Variants in RPIA observed in about 807,000 individuals in gnomAD.
RPIA encodes ribose 5-phosphate isomerase A.
RPIA carries 29 observed loss-of-function variants against 37.8 expected under a neutral mutation model. The observed-to-expected ratio is 0.77, with a 90% CI of 0.57 to 1.05. The LOEUF (loss-of-function observed/expected upper bound fraction) is 1.05, where lower values mean the gene tolerates loss of function less well. Ranked by LOEUF, RPIA falls within the 50% of genes least tolerant of loss-of-function variation. RPIA has a pLI of 0.00. For synonymous variants in RPIA, 167 were observed against 157.0 expected (o/e 1.06, Z -0.48); for missense variants, 385 against 413.6 (o/e 0.93, Z 0.60).
chr2:88,713,911 AT>A (rs776459648), intron 3 of RPIA, among the ~76,000 whole-genome samples: 149 of 124,330 alleles, frequency 1.2e-3, no homozygotes, highest in East Asian at 6.2e-3. Context: ...TTTATGGTTA[AT>A]TTTTTTTTTT....
At chr2:88,721,563 ACACACACACCCCCCCCCCCACATG>A (rs1178538251) in intron 3 of RPIA, among the ~76,000 whole-genome samples, 39 of 62,356 alleles carry the variant, frequency 6.3e-4, no homozygotes, top group Admixed American at 9.0e-4. Context: ...ACACACACAC[ACACACACACCCCCCCCCCCACATG>A]CACACATGTT....
In RPIA at chr2:88,735,702, C is replaced by T. The variant is rs756801587; in HGVS notation, c.561C>T (p.Gly187=). 42 of 1,613,954 alleles carry T rather than the reference C, an allele frequency of 2.6e-5. No individual in the cohort carries two copies. The highest frequency in any genetic ancestry group is 1.3e-4 in the Admixed American group (8 of 60,002). ...TGACCCAGGAGAAGATTGTGGCTGGCTATGCTAGTCGCTTCATCGTGATCG... is the reference window on the plus strand; with the variant it reads ...TGACCCAGGAGAAGATTGTGGCTGGTTATGCTAGTCGCTTCATCGTGATCG... The part of the protein sequence containing the change: ...GCLTQEKIVA[G]YASRFIVIAD... The change falls in exon 6 of 9, where the codon GGC becomes GGT. Residue 187 remains glycine (G), a synonymous_variant. Transcript: ENST00000283646.
intron 3 of RPIA, among the ~76,000 whole-genome samples, chr2:88,724,287 G>A (rs1003352758): frequency 6.6e-6 from 1 of 151,962 alleles, no homozygotes; most frequent in African/African-American, 2.4e-5. Context: ...CTCTGAATAT[G>A]TTTCTTTCTT....
At chr2:88,692,548 T>C (rs1359856293) in intron 1 of RPIA, among the ~76,000 whole-genome samples, 1 of 152,214 alleles carries the variant, frequency 6.6e-6, no homozygotes, top group Non-Finnish European at 1.5e-5. Flanking sequence ...GATGCTGGTT[T>C]ATTTTTTAAG....
chr2:88,702,128 G>T (rs931371676), intron 3 of RPIA, among the ~76,000 whole-genome samples: 1 of 152,122 alleles, frequency 6.6e-6, no homozygotes, highest in Non-Finnish European at 1.5e-5. Context: ...TCCATTTTCT[G>T]CTGGGAGTAC....
intron 1 of RPIA, among the ~76,000 whole-genome samples, chr2:88,696,046 A>C (rs1004345744): frequency 2.0e-5 from 3 of 152,044 alleles, no homozygotes; most frequent in Non-Finnish European, 4.4e-5. Context: ...GGCTGACTTT[A>C]AGTATTCCTA....
chr2:88,706,464 A>G (rs906983439), intron 3 of RPIA, among the ~76,000 whole-genome samples: 12 of 151,936 alleles, frequency 7.9e-5, no homozygotes, highest in Non-Finnish European at 1.5e-4. Flanking sequence ...CGGAAAACCA[A>G]ACATTGCATG....
At chr2:88,738,969 C>G (rs985866727) in intron 8 of RPIA, among the ~76,000 whole-genome samples, 10 of 152,068 alleles carry the variant, frequency 6.6e-5, no homozygotes, top group African/African-American at 2.4e-4. Flanking sequence ...ACATTTAGAG[C>G]CTTGGGGAGC....
intron 3 of RPIA, among the ~76,000 whole-genome samples, chr2:88,702,456 T>A (rs752137431): frequency 2.3e-4 from 35 of 152,222 alleles, no homozygotes; most frequent in Non-Finnish European, 4.4e-4. Context: ...CTCACAATCA[T>A]GGCAGAAAGC....
intron 3 of RPIA, among the ~76,000 whole-genome samples, chr2:88,728,158 T>C (rs142175510): frequency 2.6e-5 from 4 of 152,348 alleles, no homozygotes; most frequent in African/African-American, 9.6e-5. Context: ...AGCAATAATT[T>C]CTAATAACAT....
At chr2:88,733,998 G>A (rs1169886669) in intron 4 of RPIA, among the ~76,000 whole-genome samples, 1 of 152,080 alleles carries the variant, frequency 6.6e-6, no homozygotes, top group Non-Finnish European at 1.5e-5. Flanking sequence ...GAACTCATCA[G>A]CTTTCTTGTG....
rs186864550 is a variant in RPIA, at chr2:88,698,088, T to C, written c.286-396T>C. 8.6e-4 allele frequency among the ~76,000 whole-genome samples: 130 copies of C among 151,354 alleles called. 2 individuals are homozygous for C. The highest frequency in any genetic ancestry group is 6.9e-3 in the South Asian group (33 of 4,810). On this transcript the variant is annotated intron_variant, in intron 1 of 8. Transcript: ENST00000283646. Reference sequence around the variant, plus strand: ...CTTCTTCTTCTTTCTTTCTTTCTTTTTTTTTTTTTTTTAAACACACTGTTG... The same window carrying C: ...CTTCTTCTTCTTTCTTTCTTTCTTTCTTTTTTTTTTTTAAACACACTGTTG...
intron 3 of RPIA, among the ~76,000 whole-genome samples, chr2:88,718,225 T>G (rs1268342300): frequency 6.6e-6 from 1 of 152,194 alleles, no homozygotes; most frequent in African/African-American, 2.4e-5. Flanking sequence ...TGTGCTATAG[T>G]TTTTGAAACA....
chr2:88,697,121 A>G (rs144559696), intron 1 of RPIA, among the ~76,000 whole-genome samples: 6 of 152,370 alleles, frequency 3.9e-5, no homozygotes, highest in Middle Eastern at 3.4e-3. Flanking sequence ...GTTAAAGTGT[A>G]TCTCTATACA....
intron 3 of RPIA, among the ~76,000 whole-genome samples, chr2:88,720,211 C>T (rs1300648406): frequency 2.6e-5 from 4 of 151,812 alleles, no homozygotes; most frequent in South Asian, 2.1e-4. Context: ...CAAAAAGATA[C>T]GTGGATGTAA....
chr2:88,722,784 C>T lies in RPIA; in HGVS notation c.403-6494C>T, dbSNP rs565423450. On this transcript the variant is annotated intron_variant, in intron 3 of 8. Coordinates refer to ENST00000283646, the MANE Select transcript of RPIA (RefSeq NM_144563.3). ...TCTGCCCATGACTCTTGAAACTCTGCAAAGAAAACAGAACACCCCAACTGC... is the reference window on the plus strand; with the variant it reads ...TCTGCCCATGACTCTTGAAACTCTGTAAAGAAAACAGAACACCCCAACTGC... Among the ~76,000 whole-genome samples, 3 of 152,286 alleles carry T rather than the reference C, an allele frequency of 2.0e-5. No homozygotes were observed. In the South Asian group the frequency reaches 6.2e-4, roughly 32 times the overall value.
chr2:88,716,847 T>G (rs1174345933), intron 3 of RPIA, among the ~76,000 whole-genome samples: 1 of 152,224 alleles, frequency 6.6e-6, no homozygotes, highest in Non-Finnish European at 1.5e-5. Context: ...CATACAAATG[T>G]GTTTGATCAT....
At chr2:88,741,016 G>T (rs1438250571) in intron 8 of RPIA, among the ~76,000 whole-genome samples, 1 of 151,800 alleles carries the variant, frequency 6.6e-6, no homozygotes, top group Non-Finnish European at 1.5e-5. Context: ...TCACTACTCC[G>T]TTTCATTTGT....
intron 1 of RPIA, 27 bp from the exon 2 acceptor site, chr2:88,698,452 AGTTTT>A: frequency 6.3e-7 from 1 of 1,595,202 alleles, no homozygotes; most frequent in Non-Finnish European, 8.6e-7. Context: ...GATATTAATA[AGTTTT>A]GTTTTTTCTT....
Sources: allele counts gnomAD v4.1 joint callset (sites outside exome capture counted in the v4.1 genomes callset), GRCh38; gene constraint gnomAD v4.1.1; transcripts MANE v1.5; gene names NCBI Gene and HGNC (gene_info 2026-07-23, HGNC 2026-07-21).